R3HDM1: variants seen among roughly 807,000 people sequenced by gnomAD.
R3HDM1 encodes the protein R3H domain-containing protein 1.
Under a neutral mutation model 141.1 loss-of-function variants are expected in R3HDM1, and 46 were observed. That is an observed-to-expected ratio of 0.33 (90% CI 0.26 to 0.42). The LOEUF (loss-of-function observed/expected upper bound fraction) is 0.42, where lower values mean the gene tolerates loss of function less well. Ranked by LOEUF, R3HDM1 falls within the 10% of genes least tolerant of loss-of-function variation. The pLI is 1.00. For missense variants in R3HDM1, 1,184 were observed against 1,368.3 expected (o/e 0.87, Z 2.12); for synonymous variants, 435 against 472.9 (o/e 0.92, Z 1.04).
intron 1 of R3HDM1, among the ~76,000 whole-genome samples, chr2:135,589,957 A>G (rs1708872594): frequency 1.3e-5 from 2 of 152,138 alleles, no homozygotes; most frequent in African/African-American, 4.8e-5. Flanking sequence ...ATAGGCTTCT[A>G]GAGAACCAAG....
At chr2:135,612,165 G>T (rs879413091) in intron 3 of R3HDM1, among the ~76,000 whole-genome samples, 1 of 152,094 alleles carries the variant, frequency 6.6e-6, no homozygotes. Context: ...ATTTATTCCA[G>T]TAGAAATTAG....
intron 21 of R3HDM1, among the ~76,000 whole-genome samples, chr2:135,684,540 G>C (rs547470627): frequency 6.6e-6 from 1 of 151,984 alleles, no homozygotes; most frequent in Non-Finnish European, 1.5e-5. Flanking sequence ...AACAAATAAT[G>C]CTGTTAATAT....
Position 135,602,755 on chromosome 2 carries a change from C to A in R3HDM1, c.-41+47C>A, listed in dbSNP as rs1445248991. ...GAAAAACATATTTTTCTTACAAAAT[C>A]TCACCTATAAAAAGCAAGAAGCCAG... On this transcript the variant is annotated intron_variant, in intron 2 of 26. Coordinates refer to ENST00000683871, the MANE Select transcript of R3HDM1 (RefSeq NM_001378107.1). The A allele has an allele frequency of 2.2e-6, 3 of 1,387,264 alleles. No individual in the cohort carries two copies. In the African/African-American group the frequency reaches 4.4e-5, roughly 20 times the overall value. The allele number at this position is 1,387,264 out of a possible 1,614,324, so 85.9% of individuals were successfully genotyped here.
At chr2:135,570,183 T>G (rs545947249) in intron 1 of R3HDM1, among the ~76,000 whole-genome samples, 246 of 152,368 alleles carry the variant, frequency 1.6e-3, no homozygotes, top group African/African-American at 5.8e-3. Flanking sequence ...TTTAAACAAC[T>G]AAATTATTCT....
intron 1 of R3HDM1, among the ~76,000 whole-genome samples, chr2:135,556,876 A>G (rs1700880992): frequency 6.6e-6 from 1 of 152,184 alleles, no homozygotes; most frequent in Admixed American, 6.5e-5. Context: ...AAAAACTATT[A>G]AAATTCCTCT....
rs530380422 is a variant in R3HDM1 at position 135,630,106 on chromosome 2, C to T, written c.498-1612C>T. On this transcript the variant is annotated intron_variant, in intron 7 of 26. Coordinates refer to ENST00000683871, the MANE Select transcript of R3HDM1 (RefSeq NM_001378107.1). The stretch of plus-strand genomic sequence containing the variant: ...CAGCCTGACCAACATGGAGAAACCC[C>T]GACTCTACTAAAAATAGAAAATTAG... Among the ~76,000 whole-genome samples, 13 of 150,332 alleles carry T rather than the reference C, an allele frequency of 8.6e-5. No individual in the cohort carries two copies. In the East Asian group the frequency reaches 9.8e-4, roughly 11 times the overall value.
intron 16 of R3HDM1, 27 bp from the exon 17 acceptor site, chr2:135,649,875 A>G (rs1446586): frequency 0.15 from 180,736 of 1,185,404 alleles, 18,499 homozygotes; most frequent in East Asian, 0.45. Context: ...TGACATTAAC[A>G]TTGTTTGCCA....
chr2:135,563,768 A>G (rs1183469920), intron 1 of R3HDM1, among the ~76,000 whole-genome samples: 1 of 152,132 alleles, frequency 6.6e-6, no homozygotes, highest in African/African-American at 2.4e-5. Context: ...ATTATTCTAT[A>G]TGTGTTAGTC....
chr2:135,570,298 T>C (rs1446964208), intron 1 of R3HDM1, among the ~76,000 whole-genome samples: 1 of 152,252 alleles, frequency 6.6e-6, no homozygotes, highest in East Asian at 1.9e-4. Flanking sequence ...AAATGTCATG[T>C]AGGGTAGTAA....
chr2:135,596,869 A>G (rs2059239845), intron 1 of R3HDM1: 2 of 244,694 alleles, frequency 8.2e-6, no homozygotes, highest in Non-Finnish European at 1.3e-5. Flanking sequence ...ATATTTTTGT[A>G]CATGTCCCTT....
chr2:135,670,373 T>C, intron 19 of R3HDM1: 1 of 979,156 alleles, frequency 1.0e-6, no homozygotes, highest in Non-Finnish European at 1.2e-6. Context: ...ACACATGCCT[T>C]CATCCTGAAA....
intron 5 of R3HDM1, chr2:135,619,768 C>G (rs1391087037): frequency 2.1e-6 from 2 of 948,320 alleles, no homozygotes; most frequent in African/African-American, 3.6e-5. Context: ...AGGAATTAAT[C>G]TGGAATAAAA....
At chr2:135,577,414 CA>C (rs35038268) in intron 1 of R3HDM1, among the ~76,000 whole-genome samples, 658 of 15,784 alleles carry the variant, frequency 0.042, 7 homozygotes, top group African/African-American at 0.066. Context: ...ATTAAATGAC[CA>C]AAAAAAAAAA....
chr2:135,650,346 G>A, intron 17 of R3HDM1: 3 of 985,140 alleles, frequency 3.0e-6, no homozygotes, highest in Non-Finnish European at 3.6e-6. Flanking sequence ...CTGGGTTTAG[G>A]CATTCTATTT....
intron 23 of R3HDM1, among the ~76,000 whole-genome samples, 179 bp from the exon 24 acceptor site, chr2:135,715,371 C>CA (rs992964079): frequency 3.4e-5 from 5 of 146,398 alleles, no homozygotes; most frequent in African/African-American, 7.6e-5. Flanking sequence ...GACTCCGTCT[C>CA]AAAAAAAAAG....
Position 135,636,112 on chromosome 2 carries a change from A to G in R3HDM1, c.832A>G (p.Arg278Gly). The change falls in exon 11 of 27, where the codon AGA (arginine) becomes GGA (glycine). Residue 278 changes from arginine (R) to glycine (G), a missense_variant. By Grantham distance (125) the Arg-to-Gly change is moderately radical (BLOSUM62 -2). Around this residue, in one of 5 missense-constraint regions of R3HDM1, gnomAD observed 240 missense variants for 312.3 expected, o/e 0.77. Transcript: ENST00000683871. ...NQMRIRLKDD[R>G]RSKSIEEREE... is the part of the protein sequence containing the mutation. ...GATGAGAATACGTTTGAAAGATGAC[A>G]GAAGAAGCAAATCTATAGAAGAAAG... 6.2e-7 allele frequency: 1 copy of G among 1,612,900 alleles called. No homozygotes were observed. Among genetic ancestry groups the G allele is most frequent in the Non-Finnish European group, 8.5e-7 (1 of 1,179,496 alleles).
At chr2:135,692,836 G>A (rs778496689) in intron 21 of R3HDM1, among the ~76,000 whole-genome samples, 4 of 152,094 alleles carry the variant, frequency 2.6e-5, no homozygotes, top group Admixed American at 6.6e-5. Context: ...AATCTGGGGT[G>A]CACTTTGAAA....
chr2:135,646,142 T>TG (rs1373686777), intron 16 of R3HDM1, among the ~76,000 whole-genome samples: 1 of 151,486 alleles, frequency 6.6e-6, no homozygotes, highest in Non-Finnish European at 1.5e-5. Flanking sequence ...TCTAACTTTT[T>TG]TTTTTTTTTT....
chr2:135,653,972 T>TA (rs2065462484), intron 18 of R3HDM1, among the ~76,000 whole-genome samples: 1 of 152,228 alleles, frequency 6.6e-6, no homozygotes, highest in African/African-American at 2.4e-5. Context: ...GAAATTCACA[T>TA]AATATAAAAT....
Sources: gnomAD v4.1 joint callset for allele counts (sites outside exome capture counted in the v4.1 genomes callset) on GRCh38, gnomAD v4.1.1 for gene constraint, gnomAD v4.1.1 regional missense constraint, MANE v1.5 for transcripts, NCBI Gene and HGNC (gene_info 2026-07-23, HGNC 2026-07-21) for gene names.